The following INSYN2B variants were observed in gnomAD, a reference collection of about 807,000 sequenced individuals.
The protein encoded by INSYN2B is inhibitory synaptic factor family member 2B.
In INSYN2B, 16 loss-of-function variants were observed where a neutral mutation model predicts 41.2. The observed-to-expected ratio is 0.39, with a 90% confidence interval of 0.26 to 0.59. The LOEUF is 0.59. Among genes scored for constraint, INSYN2B ranks in the 20% least tolerant of loss-of-function variants. INSYN2B has a pLI of 0.57. For missense variants in INSYN2B, 608 were observed against 646.4 expected, an observed-to-expected ratio of 0.94 and a Z score of 0.64; for synonymous variants, 245 against 244.4, an observed-to-expected ratio of 1.00 and a Z score of -0.02.
chr5:169,955,001 G>A (rs576503157), intron 1 of INSYN2B, among the ~76,000 whole-genome samples: 2 of 152,352 alleles, frequency 1.3e-5, no homozygotes, highest in Non-Finnish European at 2.9e-5. Context: ...AAACCTCCAT[G>A]AGGAAGGCTC....
At chr5:169,949,688 TAAAA>T (rs1776584575) in intron 1 of INSYN2B, among the ~76,000 whole-genome samples, 1 of 146,320 alleles carries the variant, frequency 6.8e-6, no homozygotes, top group Admixed American at 6.7e-5. Context: ...ATGTGATCTT[TAAAA>T]TAAATTACAG....
At chr5:169,951,003 C>T (rs1487068154) in intron 1 of INSYN2B, among the ~76,000 whole-genome samples, 1 of 152,112 alleles carries the variant, frequency 6.6e-6, no homozygotes, top group Non-Finnish European at 1.5e-5. Flanking sequence ...TTTAGATTTC[C>T]AGCTGCTCCG....
chr5:169,954,220 T>G (rs546428865), intron 1 of INSYN2B, among the ~76,000 whole-genome samples: 1 of 152,262 alleles, frequency 6.6e-6, no homozygotes, highest in Non-Finnish European at 1.5e-5. Flanking sequence ...GACTAACTCA[T>G]GGCTATGAAG....
chr5:169,943,383 C>T (rs1464256122), intron 1 of INSYN2B, among the ~76,000 whole-genome samples: 1 of 151,972 alleles, frequency 6.6e-6, no homozygotes, highest in African/African-American at 2.4e-5. Flanking sequence ...GACCTGTGGC[C>T]CGCGGGCCAT....
chr5:169,903,002 G>A (rs1442447335), intron 1 of INSYN2B, among the ~76,000 whole-genome samples: 2 of 152,108 alleles, frequency 1.3e-5, no homozygotes, highest in Admixed American at 6.5e-5. Context: ...GGAGGCTGAG[G>A]CAGGAGAATC....
At chr5:169,948,571 T>C (rs1294006664) in intron 1 of INSYN2B, among the ~76,000 whole-genome samples, 1 of 151,782 alleles carries the variant, frequency 6.6e-6, no homozygotes, top group East Asian at 1.9e-4. Context: ...TATCCCTCCC[T>C]CCTTCCCTTC....
chr5:169,945,298 G>A (rs149560437), intron 1 of INSYN2B, among the ~76,000 whole-genome samples: 13 of 152,222 alleles, frequency 8.5e-5, no homozygotes, highest in Admixed American at 6.5e-5. Flanking sequence ...GGCATATACC[G>A]AGTGGTAGTT....
intron 1 of INSYN2B, among the ~76,000 whole-genome samples, chr5:169,957,464 A>T (rs996552999): frequency 5.3e-5 from 8 of 152,344 alleles, no homozygotes; most frequent in African/African-American, 1.9e-4. Flanking sequence ...TCCTTTCCAC[A>T]GCCCTGTAAG....
Position 169,947,511 on chromosome 5 carries a change from C to T in INSYN2B, c.-919+32766G>A, listed in dbSNP as rs76544696. ...AGGTGAAGCTTCCTGCCCAGGGCCA[C>T]GCAACTAATATCAGATTGACCGAGT... On this transcript the variant is annotated intron_variant, in intron 1 of 3. Transcript: ENST00000377365. Among the ~76,000 whole-genome samples the T allele has an allele frequency of 8.0e-3, 1,211 of 152,256 alleles. 60 individuals carry two copies. The East Asian group carries it at 0.13, about 17-fold the overall frequency.
At chr5:169,946,840 G>A (rs998216264) in intron 1 of INSYN2B, among the ~76,000 whole-genome samples, 1 of 152,198 alleles carries the variant, frequency 6.6e-6, no homozygotes, top group African/African-American at 2.4e-5. Flanking sequence ...ACATGGAAAG[G>A]GCCTTTAGGC....
intron 2 of INSYN2B, among the ~76,000 whole-genome samples, chr5:169,882,344 A>G (rs1581350761): frequency 6.6e-6 from 1 of 152,212 alleles, no homozygotes; most frequent in Non-Finnish European, 1.5e-5. Flanking sequence ...AACAAACAGC[A>G]GTAGAAATCC....
intron 1 of INSYN2B, among the ~76,000 whole-genome samples, chr5:169,907,937 C>G (rs1456534795): frequency 6.6e-6 from 1 of 152,208 alleles, no homozygotes; most frequent in Non-Finnish European, 1.5e-5. Flanking sequence ...CTTGTGCAGG[C>G]ACTTCTTGCC....
intron 1 of INSYN2B, among the ~76,000 whole-genome samples, chr5:169,909,674 T>A (rs1304741358): frequency 3.3e-5 from 5 of 152,238 alleles, no homozygotes; most frequent in African/African-American, 1.2e-4. Context: ...TCTAAACCTA[T>A]AATACATCTA....
chr5:169,884,263 G>A lies in INSYN2B; in HGVS notation c.-365C>T, dbSNP rs1365098880. 1.7e-5 allele frequency: 3 copies of A among 173,414 alleles called. No homozygotes were observed. In the East Asian group the frequency reaches 4.8e-4, roughly 27 times the overall value. 10.7% of individuals were successfully genotyped at this position (173,414 alleles called of 1,614,324 possible). ...GATCTTGGAAGAAGCTGGCTGTCTT[G>A]AACAAAAAGACAACAAAAGTACCAT... On this transcript the variant is annotated 5_prime_UTR_variant, in exon 2 of 4. Coordinates refer to ENST00000377365, the MANE Select transcript of INSYN2B (RefSeq NM_001129891.3).
chr5:169,940,948 C>T (rs1241038522), intron 1 of INSYN2B, among the ~76,000 whole-genome samples: 2 of 152,202 alleles, frequency 1.3e-5, no homozygotes, highest in Middle Eastern at 3.4e-3. Context: ...AATAGAATGC[C>T]GATAGTGCCA....
At chr5:169,869,624 A>C (rs1267680779) in intron 3 of INSYN2B, among the ~76,000 whole-genome samples, 1 of 152,332 alleles carries the variant, frequency 6.6e-6, no homozygotes, top group East Asian at 1.9e-4. Flanking sequence ...GGTAGAAAAG[A>C]GAAGATGCAT....
At chr5:169,898,845 G>A (rs942450207) in intron 1 of INSYN2B, among the ~76,000 whole-genome samples, 1 of 152,122 alleles carries the variant, frequency 6.6e-6, no homozygotes, top group Non-Finnish European at 1.5e-5. Flanking sequence ...GCCCGTGGAC[G>A]GTAGTTTGCT....
intron 1 of INSYN2B, among the ~76,000 whole-genome samples, chr5:169,940,119 G>T (rs1241968338): frequency 6.6e-6 from 1 of 152,130 alleles, no homozygotes; most frequent in Non-Finnish European, 1.5e-5. Flanking sequence ...GGTCCCCTCC[G>T]TCTATTGAAG....
intron 1 of INSYN2B, among the ~76,000 whole-genome samples, chr5:169,925,331 C>T (rs559603631): frequency 1.3e-5 from 2 of 152,178 alleles, no homozygotes; most frequent in East Asian, 1.9e-4. Flanking sequence ...GTAAGAGCAT[C>T]GTCTTGTTGA....
Sources: allele counts gnomAD v4.1 joint callset (sites outside exome capture counted in the v4.1 genomes callset), GRCh38; gene constraint gnomAD v4.1.1; transcripts MANE v1.5; gene names NCBI Gene and HGNC (gene_info 2026-07-23, HGNC 2026-07-21).